Variants in NDE1 observed in about 807,000 individuals in gnomAD.
The protein encoded by NDE1 is nudE neurodevelopment protein 1.
In NDE1, 28 loss-of-function variants were observed where a neutral mutation model predicts 43.4. The ratio of observed to expected loss-of-function variants is 0.65; its 90% CI spans 0.48 to 0.89. The LOEUF is 0.89. Ranked by LOEUF, NDE1 falls within the 40% of genes least tolerant of loss-of-function variation. The pLI is 0.00. For missense variants in NDE1, 441 were observed against 434.1 expected (o/e 1.02, Z -0.14); for synonymous variants, 184 against 172.0 (o/e 1.07, Z -0.55).
At position 15,720,261 on chromosome 16, in the gene NDE1, C is replaced by T. The variant is rs200083481; in HGVS notation, c.948-3930C>T. The stretch of plus-strand genomic sequence containing the variant: ...TCCAGCTTCTTCTTTGCTGCAGCTG[C>T]CAGGGCACGTTGCTTTCGCTCGTCT... On this transcript the variant is annotated intron_variant, in intron 8 of 8. Transcript: ENST00000396354. 6 of 1,614,150 alleles carry T rather than the reference C, an allele frequency of 3.7e-6. No individual in the cohort carries two copies. The highest frequency in any genetic ancestry group is 4.5e-5 in the East Asian group (2 of 44,874).
At chr16:15,695,242 G>A (rs991804244) in intron 7 of NDE1, among the ~76,000 whole-genome samples, 1 of 135,406 alleles carries the variant, frequency 7.4e-6, no homozygotes, top group African/African-American at 3.1e-5. Flanking sequence ...TGTTTCTTGG[G>A]GTTTAAGTGA....
intron 4 of NDE1, among the ~76,000 whole-genome samples, chr16:15,684,928 T>G (rs1337869463): frequency 6.6e-6 from 1 of 152,256 alleles, no homozygotes; most frequent in African/African-American, 2.4e-5. Context: ...TAGAGCTAGT[T>G]CCCTGATCTC....
At chr16:15,654,709 A>C (rs1378475442) in intron 1 of NDE1, among the ~76,000 whole-genome samples, 1 of 148,764 alleles carries the variant, frequency 6.7e-6, no homozygotes, top group Admixed American at 6.9e-5. Flanking sequence ...CTTGGACTTG[A>C]ATGCAAAGAT....
chr16:15,643,782 CAACTG>C (rs902371601), exon 1 of NDE1: 1 of 161,172 alleles, frequency 6.2e-6, no homozygotes, highest in Non-Finnish European at 1.4e-5. Flanking sequence ...TGCAAAGACT[CAACTG>C]GACATTGCCA....
intron 5 of NDE1, among the ~76,000 whole-genome samples, chr16:15,689,782 A>G (rs981696906): frequency 6.6e-6 from 1 of 151,946 alleles, no homozygotes; most frequent in Non-Finnish European, 1.5e-5. Context: ...TCTACTAAAA[A>G]TACAAAAATT....
chr16:15,695,664 C>T (rs925125372), intron 7 of NDE1: 2 of 985,212 alleles, frequency 2.0e-6, no homozygotes, highest in Non-Finnish European at 2.4e-6. Context: ...TTAACTCCTA[C>T]CAAGTTGTCA....
chr16:15,664,515 C>T (rs969122198), intron 1 of NDE1, among the ~76,000 whole-genome samples: 7 of 152,096 alleles, frequency 4.6e-5, no homozygotes, highest in Admixed American at 2.0e-4. Flanking sequence ...CGCCACCACA[C>T]CCAGCTAATT....
At chr16:15,657,444 G>T (rs894811444) in intron 1 of NDE1, among the ~76,000 whole-genome samples, 1 of 152,148 alleles carries the variant, frequency 6.6e-6, no homozygotes, top group South Asian at 2.1e-4. Context: ...AGATGCCTTG[G>T]CCCTGGGCTA....
At chr16:15,719,172 C>T (rs1302284624) in intron 8 of NDE1, 3 of 1,533,894 alleles carry the variant, frequency 2.0e-6, no homozygotes, top group South Asian at 1.1e-5. Flanking sequence ...TGCTGCCTGT[C>T]CCCCCATCCT....
chr16:15,706,956 A>C (rs1449083735), intron 8 of NDE1, among the ~76,000 whole-genome samples: 2 of 152,180 alleles, frequency 1.3e-5, no homozygotes, highest in Non-Finnish European at 2.9e-5. Flanking sequence ...TTCAAATCCT[A>C]GACCAAGGTT....
chr16:15,653,073 T>A (rs1202436386), intron 1 of NDE1, among the ~76,000 whole-genome samples: 1 of 152,148 alleles, frequency 6.6e-6, no homozygotes, highest in Admixed American at 6.5e-5. Flanking sequence ...TTTACCCCCA[T>A]TCTGGTGCAT....
intron 8 of NDE1, among the ~76,000 whole-genome samples, chr16:15,706,282 T>C (rs1206446472): frequency 6.6e-6 from 1 of 152,166 alleles, no homozygotes; most frequent in Non-Finnish European, 1.5e-5. Context: ...CTTTTTCTTT[T>C]TTAGCACTGT....
rs201028938 is a variant in NDE1 at position 15,715,086 on chromosome 16, C to T, written c.948-9105C>T. 2.2e-5 allele frequency: 35 copies of T among 1,612,276 alleles called. No homozygotes were observed. The East Asian group carries it at 6.2e-4, about 29-fold the overall frequency. ...CCTGGCATTGCCTTTCTCTGCCTGTCGCGGAGAGTTGGAGGGGTGGTTAGG... is the reference window on the plus strand; with the variant it reads ...CCTGGCATTGCCTTTCTCTGCCTGTTGCGGAGAGTTGGAGGGGTGGTTAGG... On this transcript the variant is annotated intron_variant, in intron 8 of 8. Coordinates refer to ENST00000396354, the MANE Select transcript of NDE1 (RefSeq NM_017668.3).
intron 3 of NDE1, among the ~76,000 whole-genome samples, chr16:15,675,701 C>T (rs544806517): frequency 6.6e-6 from 1 of 152,178 alleles, no homozygotes; most frequent in East Asian, 1.9e-4. Context: ...GCTGGGATTA[C>T]AGGCATGAGG....
intron 3 of NDE1, among the ~76,000 whole-genome samples, chr16:15,676,712 G>A (rs554053815): frequency 3.3e-5 from 5 of 152,180 alleles, no homozygotes; most frequent in East Asian, 1.9e-4. Flanking sequence ...TGCCCAGGCC[G>A]GAGTGCAGTG....
intron 1 of NDE1, among the ~76,000 whole-genome samples, chr16:15,660,692 C>T (rs2036999337): frequency 6.6e-6 from 1 of 152,172 alleles, no homozygotes; most frequent in Non-Finnish European, 1.5e-5. Flanking sequence ...ACTGTTCTTG[C>T]TCACACCGCC....
At chr16:15,664,384 T>A (rs1882618166) in intron 1 of NDE1, among the ~76,000 whole-genome samples, 1 of 151,992 alleles carries the variant, frequency 6.6e-6, no homozygotes, top group Non-Finnish European at 1.5e-5. Flanking sequence ...TGACACAGAG[T>A]CTCGGTCTGT....
chr16:15,678,991 A>T (rs1318676701), intron 4 of NDE1, among the ~76,000 whole-genome samples: 1 of 151,950 alleles, frequency 6.6e-6, no homozygotes, highest in East Asian at 1.9e-4. Context: ...CAGGAGAATG[A>T]TGTGAACTGG....
chr16:15,708,551 A>G (rs1408798281), intron 8 of NDE1, among the ~76,000 whole-genome samples: 1 of 152,214 alleles, frequency 6.6e-6, no homozygotes, highest in Admixed American at 6.5e-5. Context: ...AAGGGCGCAC[A>G]CTGTTGGGTG....
Sources: gnomAD v4.1 joint callset for allele counts (sites outside exome capture counted in the v4.1 genomes callset) on GRCh38, gnomAD v4.1.1 for gene constraint, MANE v1.5 for transcripts, NCBI Gene and HGNC (gene_info 2026-07-23, HGNC 2026-07-21) for gene names.